The following ZCCHC14 variants were observed in gnomAD, a reference collection of about 807,000 sequenced individuals.
The protein encoded by ZCCHC14 is zinc finger CCHC-type containing 14.
Under a neutral mutation model 85.0 loss-of-function variants are expected in ZCCHC14, and 16 were observed. The ratio of observed to expected loss-of-function variants is 0.19; its 90% CI spans 0.13 to 0.29. The LOEUF is 0.29. ZCCHC14 is among the 10% of genes least tolerant of loss of function. The pLI is 1.00. For synonymous variants in ZCCHC14, 775 were observed against 630.7 expected, an observed-to-expected ratio of 1.23 and a Z score of -3.43; for missense variants, 1,303 against 1,443.5, an observed-to-expected ratio of 0.90 and a Z score of 1.58.
chr16:87,450,587 T>G (rs1371634053), intron 2 of ZCCHC14, among the ~76,000 whole-genome samples: 3 of 151,070 alleles, frequency 2.0e-5, no homozygotes, highest in African/African-American at 7.3e-5. Flanking sequence ...TTTTTTTTTT[T>G]GAGAGAGGCT....
At chr16:87,467,737 C>T (rs544390708) in intron 1 of ZCCHC14, 23 of 589,032 alleles carry the variant, frequency 3.9e-5, no homozygotes, top group Middle Eastern at 3.3e-4. Flanking sequence ...CTGCAAGCTC[C>T]GCCTCCCGGG....
intron 1 of ZCCHC14, among the ~76,000 whole-genome samples, chr16:87,464,254 C>T (rs1346215599): frequency 6.6e-6 from 1 of 152,190 alleles, no homozygotes; most frequent in Admixed American, 6.5e-5. Flanking sequence ...TTCTCGGCCT[C>T]GACAGCACAC....
intron 3 of ZCCHC14, among the ~76,000 whole-genome samples, chr16:87,428,703 G>C (rs1909498405): frequency 1.3e-5 from 2 of 152,180 alleles, no homozygotes; most frequent in Admixed American, 1.3e-4. Context: ...CCCCTCCCCA[G>C]GAAACCACTG....
At chr16:87,418,394 C>G (rs1163029624) in intron 7 of ZCCHC14, among the ~76,000 whole-genome samples, 1 of 152,190 alleles carries the variant, frequency 6.6e-6, no homozygotes, top group East Asian at 1.9e-4. Flanking sequence ...GCCCAGACAA[C>G]ATCTCCACGA....
chr16:87,440,357 G>T (rs1242532507), intron 2 of ZCCHC14, among the ~76,000 whole-genome samples: 3 of 151,958 alleles, frequency 2.0e-5, no homozygotes, highest in African/African-American at 7.3e-5. Flanking sequence ...TAGAGACAGG[G>T]TTTCGACATA....
intron 2 of ZCCHC14, among the ~76,000 whole-genome samples, chr16:87,455,106 T>C (rs1460805771): frequency 2.6e-5 from 4 of 152,138 alleles, no homozygotes. Flanking sequence ...CTGACCAACA[T>C]GGAGAAACCC....
chr16:87,445,529 G>A (rs1910394400), intron 2 of ZCCHC14, among the ~76,000 whole-genome samples: 1 of 152,104 alleles, frequency 6.6e-6, no homozygotes. Flanking sequence ...TTTTTACTGT[G>A]AAGGATCATA....
chr16:87,450,466 T>C (rs964367741), intron 2 of ZCCHC14, among the ~76,000 whole-genome samples: 2 of 152,244 alleles, frequency 1.3e-5, no homozygotes, highest in African/African-American at 4.8e-5. Context: ...TTCTTTGGTT[T>C]TTTATTATCT....
At chr16:87,467,748 T>G in intron 1 of ZCCHC14, 28 of 530,070 alleles carry the variant, frequency 5.3e-5, no homozygotes, top group Middle Eastern at 3.9e-4. Context: ...GCCTCCCGGG[T>G]TCACACCATT....
rs558825786 is a variant in ZCCHC14 at position 87,478,817 on chromosome 16, G to A, written c.570+12852C>T. ...AGATGGGGTTTTACCATATTGGTCAGGCTGGACTCAAATTCCTGACCTTGT... is the reference window on the plus strand; with the variant it reads ...AGATGGGGTTTTACCATATTGGTCAAGCTGGACTCAAATTCCTGACCTTGT... On this transcript the variant is annotated intron_variant, in intron 1 of 12. Coordinates refer to ENST00000671377, the MANE Select transcript of ZCCHC14 (RefSeq NM_015144.3). Among the ~76,000 whole-genome samples, 3 of 152,084 alleles carry A rather than the reference G, an allele frequency of 2.0e-5. 1 individual carries two copies. Among genetic ancestry groups the A allele is most frequent in the Admixed American group, 2.0e-4 (3 of 15,282 alleles).
At chr16:87,461,910 C>G (rs983649099) in intron 1 of ZCCHC14, among the ~76,000 whole-genome samples, 2 of 152,196 alleles carry the variant, frequency 1.3e-5, no homozygotes, top group South Asian at 2.1e-4. Flanking sequence ...CCACGCGGCT[C>G]AACAGATGCC....
At chr16:87,464,855 T>C (rs1279485185) in intron 1 of ZCCHC14, among the ~76,000 whole-genome samples, 1 of 152,192 alleles carries the variant, frequency 6.6e-6, no homozygotes, top group Non-Finnish European at 1.5e-5. Context: ...ACTCAAGTGC[T>C]CTCTGACTCA....
chr16:87,458,265 G>A (rs1439825936), intron 2 of ZCCHC14, among the ~76,000 whole-genome samples: 1 of 152,190 alleles, frequency 6.6e-6, no homozygotes, highest in Admixed American at 6.5e-5. Context: ...CTCCTGGGAT[G>A]GCATGGGGGA....
At chr16:87,423,573 G>A (rs1909214269) in intron 4 of ZCCHC14, among the ~76,000 whole-genome samples, 1 of 152,130 alleles carries the variant, frequency 6.6e-6, no homozygotes, top group Non-Finnish European at 1.5e-5. Flanking sequence ...GCATCTCTCA[G>A]CCTCATCTCA....
intron 1 of ZCCHC14, chr16:87,467,087 G>A (rs1448530431): frequency 1.1e-5 from 6 of 529,230 alleles, no homozygotes; most frequent in Non-Finnish European, 2.0e-5. Context: ...GTCCCGCTAT[G>A]TTGCCCCATC....
At chr16:87,411,092 C>A (rs1442598054) in intron 12 of ZCCHC14, among the ~76,000 whole-genome samples, 1 of 152,234 alleles carries the variant, frequency 6.6e-6, no homozygotes, top group African/African-American at 2.4e-5. Context: ...GACAGCCCCC[C>A]ACACCCACAG....
intron 4 of ZCCHC14, among the ~76,000 whole-genome samples, chr16:87,423,133 G>A (rs1427299885): frequency 1.3e-5 from 2 of 152,228 alleles, no homozygotes; most frequent in Admixed American, 6.5e-5. Context: ...TGAGACAGTC[G>A]TTCACGCTAC....
At chr16:87,486,986 A>C (rs75213319) in intron 1 of ZCCHC14, among the ~76,000 whole-genome samples, 2,546 of 152,294 alleles carry the variant, frequency 0.017, 25 homozygotes, top group Middle Eastern at 0.048. Flanking sequence ...GGAGAAACCA[A>C]AAGAAACCAC....
At position 87,491,615 on chromosome 16, in the gene ZCCHC14, A is replaced by G; in HGVS notation, c.570+54T>C. 2 of 1,343,470 alleles carry G rather than the reference A, an allele frequency of 1.5e-6. No homozygotes were observed. The highest frequency in any genetic ancestry group is 1.9e-6 in the Non-Finnish European group (2 of 1,048,322). The allele number at this position is 1,343,470 out of a possible 1,614,324, so 83.2% of individuals were successfully genotyped here. On this transcript the variant is annotated intron_variant, in intron 1 of 12. Coordinates refer to ENST00000671377, the MANE Select transcript of ZCCHC14 (RefSeq NM_015144.3). The surrounding 1 kb of genome is among the most constrained non-coding windows in gnomAD (Gnocchi z 5.9). ...GGTGCAGGCTGGAGGCTTGGAGTGC[A>G]GAGTTGGGGATGCAGACTTGGGGTA...
Sources: gnomAD v4.1 joint callset for allele counts (sites outside exome capture counted in the v4.1 genomes callset) on GRCh38, gnomAD v4.1.1 for gene constraint, Gnocchi (gnomAD v3.1) non-coding constraint, MANE v1.5 for transcripts, NCBI Gene and HGNC (gene_info 2026-07-23, HGNC 2026-07-21) for gene names.